Variants in TERF1 observed in about 807,000 individuals in gnomAD.
TERF1 encodes telomeric repeat binding factor 1.
In TERF1, 20 loss-of-function variants were observed where a neutral mutation model predicts 55.1. The observed-to-expected ratio is 0.36, with a 90% confidence interval of 0.26 to 0.53. The LOEUF is 0.53. Ranked by LOEUF, TERF1 falls within the 20% of genes least tolerant of loss-of-function variation. TERF1 has a pLI of 0.91. For missense variants in TERF1, 439 were observed against 535.7 expected (o/e 0.82, Z 1.78); for synonymous variants, 168 against 181.2 (o/e 0.93, Z 0.59).
At chr8:73,038,167 G>T (rs1427422572) in intron 8 of TERF1, among the ~76,000 whole-genome samples, 1 of 151,662 alleles carries the variant, frequency 6.6e-6, no homozygotes, top group East Asian at 1.9e-4. Context: ...TTATCTAAGA[G>T]GCCATGACCT....
chr8:73,012,219 A>T (rs1808306018), intron 1 of TERF1: 1 of 152,210 alleles, frequency 6.6e-6, no homozygotes. Flanking sequence ...TATTTATGGA[A>T]TAAGTTTGTG....
rs544688936 is a variant in TERF1, at chr8:73,009,246, C to T, written c.319+41C>T. The T allele has an allele frequency of 7.6e-6, 12 of 1,570,512 alleles. No homozygotes were observed. In the East Asian group the frequency reaches 2.3e-4, roughly 30 times the overall value. ...GTCCGGGCCGGGACTACGCGGGGGG[C>T]GGATGCGGGCTCCGTGGTGCGCGGC... On this transcript the variant is annotated intron_variant, in intron 1 of 9. Transcript: ENST00000276603.
intron 7 of TERF1, 90 bp downstream of exon 7, chr8:73,030,485 G>C: frequency 1.3e-6 from 1 of 773,702 alleles, no homozygotes; most frequent in East Asian, 3.5e-5. Context: ...CACATAAATG[G>C]TACAATTGAA....
chr8:73,017,679 G>A (rs531604128), intron 2 of TERF1, among the ~76,000 whole-genome samples: 1 of 151,462 alleles, frequency 6.6e-6, no homozygotes, highest in African/African-American at 2.4e-5. Context: ...ATCTCTGGGA[G>A]ATGGGTATAG....
intron 7 of TERF1, 144 bp from the exon 8 acceptor site, chr8:73,031,898 G>A: frequency 1.9e-6 from 1 of 513,514 alleles, no homozygotes; most frequent in Non-Finnish European, 3.4e-6. Flanking sequence ...TTAAGATGGG[G>A]TACTAAGCAG....
chr8:73,036,042 G>T (rs184596327), intron 8 of TERF1, among the ~76,000 whole-genome samples: 1 of 152,332 alleles, frequency 6.6e-6, no homozygotes, highest in African/African-American at 2.4e-5. Flanking sequence ...CATTGATGTA[G>T]TTGTTCAGAT....
chr8:73,039,081 A>T, intron 8 of TERF1, 35 bp from the exon 9 acceptor site: 1 of 1,326,826 alleles, frequency 7.5e-7, no homozygotes, highest in Non-Finnish European at 1.0e-6. Context: ...CTTTAATGTA[A>T]ATCAATATTT....
intron 6 of TERF1, among the ~76,000 whole-genome samples, chr8:73,029,043 C>G (rs1174052863): frequency 1.3e-5 from 2 of 152,062 alleles, no homozygotes; most frequent in African/African-American, 2.4e-5. Flanking sequence ...GAGCAAATAC[C>G]AAAACCATCG....
At chr8:73,037,595 CAT>C (rs543618368) in intron 8 of TERF1, among the ~76,000 whole-genome samples, 3,200 of 102,642 alleles carry the variant, frequency 0.031, 83 homozygotes, top group Non-Finnish European at 0.045. Flanking sequence ...ATATATATAA[CAT>C]ATCATAAATT....
rs536492622 is a variant in TERF1 at position 73,009,003 on chromosome 8, C to T, written c.117C>T (p.Phe39=). 179 of 1,612,142 alleles carry T rather than the reference C, an allele frequency of 1.1e-4. 4 individuals carry two copies. The South Asian group carries it at 1.9e-3, about 17-fold the overall frequency. The change falls in exon 1 of 10, where the codon TTC becomes TTT. Residue 39 remains phenylalanine, a synonymous_variant. Coordinates refer to ENST00000276603, the MANE Select transcript of TERF1 (RefSeq NM_017489.3). ...AETERNDEEQ[F]ECQELLECQV... ...CAGAGAGAAACGACGAGGAGCAGTT[C>T]GAATGCCAGGAACTGCTCGAGTGCC...
chr8:73,035,492 A>T (rs1179802256), intron 8 of TERF1, among the ~76,000 whole-genome samples: 1 of 151,840 alleles, frequency 6.6e-6, no homozygotes, highest in Non-Finnish European at 1.5e-5. Context: ...ATGTGCACAG[A>T]GAAGAACGTG....
At position 73,046,011 on chromosome 8, in the gene TERF1, T is replaced by G; in HGVS notation, c.1194T>G (p.Tyr398Ter). ...DKNLRSGVRK[Y>*]GEGNWSKILL... Reference sequence around the variant, plus strand: ...ATTTGAGATCTGGCGTGAGGAAATATGGAGAGGGAAACTGGTCTAAAATAC... The same window carrying G: ...ATTTGAGATCTGGCGTGAGGAAATAGGGAGAGGGAAACTGGTCTAAAATAC... The change falls in exon 10 of 10, where the codon TAT becomes TAG. Residue 398 changes from tyrosine to a stop codon, truncating the protein, a stop_gained. Transcript: ENST00000276603. LOFTEE classifies it high-confidence loss of function. 2 of 1,607,192 alleles carry G rather than the reference T, an allele frequency of 1.2e-6. No individual in the cohort carries two copies. The highest frequency in any genetic ancestry group is 1.7e-6 in the Non-Finnish European group (2 of 1,177,364).
At chr8:73,012,880 A>G (rs1338059853) in intron 1 of TERF1, 6 of 455,522 alleles carry the variant, frequency 1.3e-5, no homozygotes, top group Non-Finnish European at 2.6e-5. Flanking sequence ...GGGGGCAGAG[A>G]CTGGCTATCT....
At chr8:73,030,295 T>C in intron 6 of TERF1, 41 bp from the exon 7 acceptor site, 1 of 1,339,802 alleles carries the variant, frequency 7.5e-7, no homozygotes, top group Non-Finnish European at 1.0e-6. Context: ...ATGAAAAGTT[T>C]CTTTTGTTTA....
intron 8 of TERF1, among the ~76,000 whole-genome samples, chr8:73,033,395 A>C (rs1809374761): frequency 6.6e-6 from 1 of 152,114 alleles, no homozygotes; most frequent in African/African-American, 2.4e-5. Flanking sequence ...TAATGTGAGC[A>C]TTTTCCTAGG....
In TERF1 at chr8:73,046,062, G is replaced by T. The variant is rs758401635; in HGVS notation, c.1245G>T (p.Arg415=). 6.2e-7 allele frequency: 1 copy of T among 1,610,814 alleles called. No individual in the cohort carries two copies. ...TGTTGCATTATAAATTCAACAACCG[G>T]ACAAGTGTCATGTTAAAAGACAGAT... ...KILLHYKFNN[R]TSVMLKDRWR... is the part of the protein sequence containing the mutation. Residue 415 remains arginine (R), a synonymous_variant, in exon 10 of 10, where the codon CGG becomes CGT. Transcript: ENST00000276603.
At chr8:73,039,431 T>C (rs1809741445) in intron 9 of TERF1, among the ~76,000 whole-genome samples, 1 of 152,200 alleles carries the variant, frequency 6.6e-6, no homozygotes, top group South Asian at 2.1e-4. Flanking sequence ...AGTTGGGTGT[T>C]GGTACTGACA....
At chr8:73,036,727 G>C (rs1809527528) in intron 8 of TERF1, among the ~76,000 whole-genome samples, 1 of 149,572 alleles carries the variant, frequency 6.7e-6, no homozygotes, top group Admixed American at 6.8e-5. Context: ...ATTACTTACA[G>C]TAACTAAAAC....
rs145333112 is a variant in TERF1, at chr8:73,042,145, A to G, written c.1143+2926A>G. On this transcript the variant is annotated intron_variant, in intron 9 of 9. Coordinates refer to ENST00000276603, the MANE Select transcript of TERF1 (RefSeq NM_017489.3). The stretch of plus-strand genomic sequence containing the variant: ...GATTTCCAAGCTCTTCACATGTTAG[A>G]TTGGAAACCAGAAGTCTCTGTCTTA... Among the ~76,000 whole-genome samples, 366 of 152,170 alleles carry G rather than the reference A, an allele frequency of 2.4e-3. 1 individual carries two copies. Among genetic ancestry groups the G allele is most frequent in the African/African-American group, 8.4e-3 (348 of 41,518 alleles).
Sources: gnomAD v4.1 joint callset for allele counts (sites outside exome capture counted in the v4.1 genomes callset) on GRCh38, gnomAD v4.1.1 for gene constraint, MANE v1.5 for transcripts, NCBI Gene and HGNC (gene_info 2026-07-23, HGNC 2026-07-21) for gene names.